Variants in NDUFS1 observed in about 807,000 individuals in gnomAD.
NDUFS1 encodes the protein NADH:ubiquinone oxidoreductase core subunit S1.
A neutral mutation model predicts 84.4 loss-of-function variants in NDUFS1; 61 were observed. That is an observed-to-expected ratio of 0.72 (90% CI 0.59 to 0.89). The LOEUF (loss-of-function observed/expected upper bound fraction) is 0.89. Among genes scored for constraint, NDUFS1 ranks in the 40% least tolerant of loss-of-function variants. The probability of loss-of-function intolerance (pLI) is 0.00; values close to 1 mark genes in which losing one functional copy is unlikely to be tolerated. For synonymous variants in NDUFS1, 275 were observed against 290.0 expected (o/e 0.95, Z 0.53); for missense variants, 891 against 890.0 (o/e 1.00, Z -0.01).
Position 206,116,120 on chromosome 2 carries a change from A to C in NDUFS1, c.*8065T>G. 2.8e-6 allele frequency: 4 copies of C among 1,438,414 alleles called. No homozygotes were observed. The highest frequency in any genetic ancestry group is 1.7e-5 in the Admixed American group (1 of 59,780). The allele number at this position is 1,438,414 out of a possible 1,614,324, so 89.1% of individuals were successfully genotyped here. On this transcript the variant is annotated 3_prime_UTR_variant, in exon 19 of 19. Transcript: ENST00000233190. ...TTAGTGGTTCCATTTTCACTCCTCAATAGATTTTATGTATTTCTCATATGC... is the reference window on the plus strand; with the variant it reads ...TTAGTGGTTCCATTTTCACTCCTCACTAGATTTTATGTATTTCTCATATGC...
At chr2:206,140,943 T>TACACACACAC (rs1553505280) in intron 12 of NDUFS1, among the ~76,000 whole-genome samples, 52 of 136,026 alleles carry the variant, frequency 3.8e-4, no homozygotes, top group Admixed American at 1.2e-3. Context: ...TATATATATA[T>TACACACACAC]ACACACACAC....
Position 206,146,369 on chromosome 2 carries a change from T to C in NDUFS1, c.737+534A>G, listed in dbSNP as rs375220792. Among the ~76,000 whole-genome samples, 22 of 152,280 alleles carry C rather than the reference T, an allele frequency of 1.4e-4. No individual in the cohort carries two copies. The East Asian group carries it at 4.2e-3, about 29-fold the overall frequency. On this transcript the variant is annotated intron_variant, in intron 8 of 18. Coordinates refer to ENST00000233190, the MANE Select transcript of NDUFS1 (RefSeq NM_005006.7). ...AAGCCAAATCCCAAGTTGAAAAGTA[T>C]AAAGTTTAAAATTGGATGATAATTT...
At chr2:206,137,675 A>C (rs1242871748) in intron 13 of NDUFS1, among the ~76,000 whole-genome samples, 1 of 152,196 alleles carries the variant, frequency 6.6e-6, no homozygotes, top group African/African-American at 2.4e-5. Context: ...GAACTCAAGG[A>C]ATACAGGCAA....
intron 18 of NDUFS1, among the ~76,000 whole-genome samples, chr2:206,124,738 C>G (rs2105940855): frequency 6.6e-6 from 1 of 152,090 alleles, no homozygotes; most frequent in Non-Finnish European, 1.5e-5. Context: ...ACTCGGGAGT[C>G]TGAGGCAGGA....
intron 16 of NDUFS1, 131 bp from the exon 17 acceptor site, chr2:206,126,975 T>C (rs1691318247): frequency 1.8e-6 from 2 of 1,106,560 alleles, no homozygotes; most frequent in Admixed American, 2.0e-5. Context: ...TTAGTAGACA[T>C]ACATTTATGA....
At chr2:206,130,806 T>G (rs1456580747) in intron 14 of NDUFS1, among the ~76,000 whole-genome samples, 1 of 152,208 alleles carries the variant, frequency 6.6e-6, no homozygotes, top group Admixed American at 6.5e-5. Context: ...TTCTAGAAAT[T>G]TTATGCCAAC....
chr2:206,116,679 G>C lies in NDUFS1; in HGVS notation c.*7506C>G, dbSNP rs1335018259. The C allele has an allele frequency of 5.1e-6, 2 of 388,394 alleles. No homozygotes were observed. The highest frequency in any genetic ancestry group is 9.6e-6 in the Non-Finnish European group (2 of 207,778). 24.1% of individuals were successfully genotyped at this position (388,394 alleles called of 1,614,324 possible). On this transcript the variant is annotated 3_prime_UTR_variant, in exon 19 of 19. Coordinates refer to ENST00000233190, the MANE Select transcript of NDUFS1 (RefSeq NM_005006.7). ...GGTGGGAGGAGCGCCTGGGCCCAGGGGTTCAAGACGAGCCTGGGCAACATA... is the reference window on the plus strand; with the variant it reads ...GGTGGGAGGAGCGCCTGGGCCCAGGCGTTCAAGACGAGCCTGGGCAACATA...
intron 12 of NDUFS1, 78 bp downstream of exon 12, chr2:206,141,862 AG>A (rs1323814751): frequency 1.6e-6 from 2 of 1,278,242 alleles, no homozygotes; most frequent in Non-Finnish European, 2.2e-6. Flanking sequence ...TAACACTATT[AG>A]GAAGATGCCA....
intron 12 of NDUFS1, among the ~76,000 whole-genome samples, chr2:206,139,803 T>C (rs993445399): frequency 1.3e-5 from 2 of 150,622 alleles, no homozygotes; most frequent in African/African-American, 4.9e-5. Flanking sequence ...GGTTACCCTC[T>C]TTATAAATCT....
At chr2:206,152,533 C>T (rs777462883) in intron 2 of NDUFS1, 23 bp from the exon 3 acceptor site, 52 of 1,596,952 alleles carry the variant, frequency 3.3e-5, no homozygotes, top group Admixed American at 1.7e-4. Flanking sequence ...GATATTGAAG[C>T]GAAAAACAGA....
At chr2:206,147,481 T>C (rs772232518) in intron 7 of NDUFS1, 50 bp downstream of exon 7, 3 of 1,531,900 alleles carry the variant, frequency 2.0e-6, no homozygotes, top group East Asian at 2.4e-5. Flanking sequence ...ATTGTGACTA[T>C]TAAGTATACA....
intron 8 of NDUFS1, among the ~76,000 whole-genome samples, 180 bp from the exon 9 acceptor site, chr2:206,145,206 T>G (rs1404775969): frequency 6.6e-6 from 1 of 151,734 alleles, no homozygotes; most frequent in Non-Finnish European, 1.5e-5. Context: ...TGCCCTGGGG[T>G]CTCACTCTGT....
At position 206,132,813 on chromosome 2, in the gene NDUFS1, T is replaced by C. The variant is rs147702552; in HGVS notation, c.1553+132A>G. ...TCTTCTCACACAGAGTAAAGGTCTA[T>C]ATTTCACATGTGTAACTGGGATAAT... On this transcript the variant is annotated intron_variant, in intron 14 of 18. Transcript: ENST00000233190. The C allele has an allele frequency of 0.015, 11,186 of 766,628 alleles. 108 individuals are homozygous for C. The highest frequency in any genetic ancestry group is 0.02 in the South Asian group (1,179 of 59,490). 47.5% of individuals were successfully genotyped at this position (766,628 alleles called of 1,614,324 possible). A position where few individuals can be genotyped will look rare whatever the true frequency, so the allele number is the denominator to read the frequency against.
At chr2:206,149,662 A>G (rs1473917804) in intron 4 of NDUFS1, 156 bp downstream of exon 4, 4 of 649,306 alleles carry the variant, frequency 6.2e-6, no homozygotes, top group Non-Finnish European at 1.1e-5. Context: ...CAGTTTTGAA[A>G]TGAAGAGAAT....
intron 14 of NDUFS1, 54 bp from the exon 15 acceptor site, chr2:206,130,296 A>C: frequency 6.3e-7 from 1 of 1,585,756 alleles, no homozygotes; most frequent in Non-Finnish European, 8.6e-7. Context: ...AATGTAAAAA[A>C]TTAAATGTGA....
intron 1 of NDUFS1, among the ~76,000 whole-genome samples, chr2:206,157,114 G>A (rs568524885): frequency 4.5e-4 from 68 of 152,242 alleles, no homozygotes; most frequent in African/African-American, 1.5e-3. Flanking sequence ...ATCACGCCCG[G>A]CTAATTTTTG....
chr2:206,139,402 G>A (rs1691848626), intron 12 of NDUFS1, among the ~76,000 whole-genome samples: 2 of 152,072 alleles, frequency 1.3e-5, no homozygotes, highest in African/African-American at 4.8e-5. Flanking sequence ...GGCCAGACTG[G>A]TCTTGAACTC....
chr2:206,147,924 T>A (rs1375454774), intron 5 of NDUFS1, 90 bp from the exon 6 acceptor site: 7 of 552,492 alleles, frequency 1.3e-5, no homozygotes, highest in African/African-American at 1.2e-4. Context: ...ATAGACTTTA[T>A]TTTTTTTTTT....
Position 206,144,962 on chromosome 2 carries a change from C to T in NDUFS1, c.802G>A (p.Gly268Arg), listed in dbSNP as rs1692101621. The T allele has an allele frequency of 6.2e-7, 1 of 1,613,948 alleles. No individual in the cohort carries two copies. Among genetic ancestry groups the T allele is most frequent in the African/African-American group, 1.3e-5 (1 of 74,910 alleles). ...CGTGGCAAAATCCTCATCACTTCTC[C>T]AGTTCTTGTGCTAACCACAATATTA... ...GSNIVVSTRT[G>R]EVMRILPRMH... Residue 268 changes from glycine (G) to arginine (R), a missense_variant, in exon 9 of 19, where the codon GGA becomes AGA. Physicochemically the swap from Gly to Arg is moderately radical, Grantham distance 125. Transcript: ENST00000233190.
Sources: allele counts gnomAD v4.1 joint callset (sites outside exome capture counted in the v4.1 genomes callset), GRCh38; gene constraint gnomAD v4.1.1; transcripts MANE v1.5; gene names NCBI Gene and HGNC (gene_info 2026-07-23, HGNC 2026-07-21).